The following MAPK8 variants were observed in gnomAD, a reference collection of about 807,000 sequenced individuals.
The protein encoded by MAPK8 is JUN N-terminal kinase.
In MAPK8, 13 loss-of-function variants were observed where a neutral mutation model predicts 52.9. The ratio of observed to expected loss-of-function variants is 0.25; its 90% CI spans 0.16 to 0.39. The LOEUF (loss-of-function observed/expected upper bound fraction) is 0.39. Ranked by LOEUF, MAPK8 falls within the 10% of genes least tolerant of loss-of-function variation. The pLI is 1.00. For missense variants in MAPK8, 300 were observed against 519.2 expected (o/e 0.58, Z 4.10); for synonymous variants, 191 against 169.8 (o/e 1.12, Z -0.97).
chr10:48,349,041 ATAATGG>A (rs1846055426), intron 1 of MAPK8, among the ~76,000 whole-genome samples: 1 of 152,176 alleles, frequency 6.6e-6, no homozygotes, highest in African/African-American at 2.4e-5. Flanking sequence ...AGGGCATTAT[ATAATGG>A]TAAAGGGATC....
intron 1 of MAPK8, among the ~76,000 whole-genome samples, chr10:48,350,606 G>A (rs1846221056): frequency 6.6e-6 from 1 of 152,124 alleles, no homozygotes; most frequent in African/African-American, 2.4e-5. Flanking sequence ...AAGTATTGAT[G>A]GAACTTATCT....
At chr10:48,331,993 G>C (rs1413399454) in intron 1 of MAPK8, among the ~76,000 whole-genome samples, 1 of 152,148 alleles carries the variant, frequency 6.6e-6, no homozygotes, top group Non-Finnish European at 1.5e-5. Flanking sequence ...ATGCCAAGGG[G>C]TATGATAATC....
intron 1 of MAPK8, among the ~76,000 whole-genome samples, chr10:48,357,108 G>T (rs1486629547): frequency 6.6e-6 from 1 of 152,032 alleles, no homozygotes; most frequent in Non-Finnish European, 1.5e-5. Context: ...CAAAATACCA[G>T]GAGGAAAAAG....
At chr10:48,352,088 A>C (rs185157888) in intron 1 of MAPK8, among the ~76,000 whole-genome samples, 2 of 152,216 alleles carry the variant, frequency 1.3e-5, no homozygotes, top group African/African-American at 2.4e-5. Flanking sequence ...ACATACTGCA[A>C]GTCACTCAGT....
At chr10:48,346,781 C>T (rs751921354) in intron 1 of MAPK8, among the ~76,000 whole-genome samples, 1 of 152,206 alleles carries the variant, frequency 6.6e-6, no homozygotes, top group Non-Finnish European at 1.5e-5. Context: ...TACTGATAGT[C>T]CCTGATATGC....
At chr10:48,314,296 C>T (rs1842282802) in intron 1 of MAPK8, among the ~76,000 whole-genome samples, 1 of 152,066 alleles carries the variant, frequency 6.6e-6, no homozygotes, top group African/African-American at 2.4e-5. Flanking sequence ...GCTCCACCCT[C>T]ATGACCTAAT....
chr10:48,322,395 A>C (rs1226372824), intron 1 of MAPK8, among the ~76,000 whole-genome samples: 2 of 152,110 alleles, frequency 1.3e-5, no homozygotes, highest in Admixed American at 1.3e-4. Context: ...AATTATATAG[A>C]TAATTTAAGG....
At position 48,436,209 on chromosome 10, in the gene MAPK8, T is replaced by G. The variant is rs764063739; in HGVS notation, c.*1180T>G. 5 of 152,384 alleles carry G rather than the reference T, an allele frequency of 3.3e-5. No homozygotes were observed. Among genetic ancestry groups the G allele is most frequent in the Non-Finnish European group, 7.3e-5 (5 of 68,040 alleles). The allele number at this position is 152,384 out of a possible 1,614,324, so 9.4% of individuals were successfully genotyped here. A position where few individuals can be genotyped will look rare whatever the true frequency, so the allele number is the denominator to read the frequency against. On this transcript the variant is annotated 3_prime_UTR_variant, in exon 12 of 12. Coordinates refer to ENST00000374189, the MANE Select transcript of MAPK8 (RefSeq NM_001323329.2). Reference sequence around the variant, plus strand: ...TAGGATATCATTTTCTAAGGACTGTTTCTTCACATTGAGCAGAGCAGGCAT... The same window carrying G: ...TAGGATATCATTTTCTAAGGACTGTGTCTTCACATTGAGCAGAGCAGGCAT...
At chr10:48,348,199 A>C (rs12241476) in intron 1 of MAPK8, among the ~76,000 whole-genome samples, 6,926 of 152,284 alleles carry the variant, frequency 0.045, 527 homozygotes, top group African/African-American at 0.16. Context: ...TCTTTTGAGA[A>C]GTGTCTGTTC....
chr10:48,330,125 T>G (rs1843986341), intron 1 of MAPK8, among the ~76,000 whole-genome samples: 1 of 152,178 alleles, frequency 6.6e-6, no homozygotes, highest in South Asian at 2.1e-4. Flanking sequence ...TTAGCTTACG[T>G]TAATTGAGGA....
intron 5 of MAPK8, among the ~76,000 whole-genome samples, chr10:48,416,041 A>G (rs1024581004): frequency 6.6e-6 from 1 of 152,148 alleles, no homozygotes; most frequent in Admixed American, 6.5e-5. Flanking sequence ...AGTTTTTTGC[A>G]GGTGGTCTTG....
At chr10:48,333,657 C>T (rs569791949) in intron 1 of MAPK8, among the ~76,000 whole-genome samples, 4 of 152,240 alleles carry the variant, frequency 2.6e-5, no homozygotes, top group East Asian at 3.9e-4. Context: ...CTTGACCGGC[C>T]GGATGCAACA....
intron 1 of MAPK8, among the ~76,000 whole-genome samples, chr10:48,388,777 C>T (rs1310438528): frequency 6.6e-6 from 1 of 152,110 alleles, no homozygotes. Context: ...CATAGGCTGT[C>T]TCAGTCTGGG....
intron 1 of MAPK8, among the ~76,000 whole-genome samples, chr10:48,349,029 G>A (rs969679040): frequency 1.3e-5 from 2 of 150,794 alleles, no homozygotes; most frequent in African/African-American, 4.9e-5. Flanking sequence ...AAAAGACAAA[G>A]AAGGGCATTA....
intron 1 of MAPK8, among the ~76,000 whole-genome samples, chr10:48,371,300 GT>G (rs1848508156): frequency 1.3e-5 from 2 of 152,088 alleles, no homozygotes; most frequent in South Asian, 4.1e-4. Flanking sequence ...GAGTATCATA[GT>G]TATCGATTAT....
At chr10:48,372,879 C>T (rs1222749225) in intron 1 of MAPK8, among the ~76,000 whole-genome samples, 1 of 151,976 alleles carries the variant, frequency 6.6e-6, no homozygotes, top group Non-Finnish European at 1.5e-5. Context: ...CAGGAAAATA[C>T]GGAGAACACC....
chr10:48,395,516 C>T (rs1564576098), intron 1 of MAPK8, among the ~76,000 whole-genome samples: 1 of 151,946 alleles, frequency 6.6e-6, no homozygotes, highest in Non-Finnish European at 1.5e-5. Context: ...CAGAACCAAA[C>T]TGTGAAAGAA....
chr10:48,338,930 T>C (rs1435173145), intron 1 of MAPK8, among the ~76,000 whole-genome samples: 1 of 152,046 alleles, frequency 6.6e-6, no homozygotes, highest in Non-Finnish European at 1.5e-5. Flanking sequence ...AAAGAATTCA[T>C]AGATGACACA....
At chr10:48,319,549 G>C (rs1283149825) in intron 1 of MAPK8, among the ~76,000 whole-genome samples, 2 of 151,994 alleles carry the variant, frequency 1.3e-5, no homozygotes, top group African/African-American at 4.8e-5. Flanking sequence ...GAGTGCAGTG[G>C]CGTGATCCCG....
Sources: allele counts gnomAD v4.1 joint callset (sites outside exome capture counted in the v4.1 genomes callset), GRCh38; gene constraint gnomAD v4.1.1; transcripts MANE v1.5; gene names NCBI Gene and HGNC (gene_info 2026-07-23, HGNC 2026-07-21).